NLRP7: variants seen among roughly 807,000 people sequenced by gnomAD.
The protein encoded by NLRP7 is NACHT, LRR and PYD domains-containing protein 7.
NLRP7 carries 72 observed loss-of-function variants against 85.5 expected under a neutral mutation model. The observed-to-expected ratio is 0.84, with a 90% CI of 0.70 to 1.02. NLRP7 has a LOEUF of 1.02. Ranked by LOEUF, NLRP7 falls within the 50% of genes least tolerant of loss-of-function variation. The probability of loss-of-function intolerance (pLI) is 0.00; values close to 1 mark genes in which losing one functional copy is unlikely to be tolerated. For missense variants in NLRP7, 1,243 were observed against 1,219.5 expected (o/e 1.02, Z -0.29); for synonymous variants, 550 against 505.2 (o/e 1.09, Z -1.19).
At chr19:54,942,807 C>A (rs2069291993) in intron 1 of NLRP7, among the ~76,000 whole-genome samples, 1 of 152,150 alleles carries the variant, frequency 6.6e-6, no homozygotes, top group Non-Finnish European at 1.5e-5. Flanking sequence ...TTCAGCCCAC[C>A]ACTGAATGAC....
intron 9 of NLRP7, 66 bp from the exon 11 acceptor site, chr19:54,923,938 A>T (rs1246934019): frequency 6.5e-7 from 1 of 1,548,998 alleles, no homozygotes; most frequent in Non-Finnish European, 8.9e-7. Flanking sequence ...ATGCCTGAAT[A>T]TCTGTTTTCA....
intron 9 of NLRP7, among the ~76,000 whole-genome samples, chr19:54,926,916 TAAAA>T (rs74177884): frequency 1.5e-4 from 4 of 26,610 alleles, no homozygotes; most frequent in South Asian, 1.9e-3. Context: ...ACTCTGTCTT[TAAAA>T]AAAAAAAAAA....
chr19:54,933,661 G>C, exon 8 of NLRP7: 3 of 1,614,172 alleles, frequency 1.9e-6, no homozygotes, highest in Non-Finnish European at 2.5e-6. Flanking sequence ...CCAAGCACAG[G>C]TGTGTCAGCT....
intron 1 of NLRP7, chr19:54,953,322 CTAAG>C (rs1186407797): frequency 1.3e-5 from 2 of 152,218 alleles, no homozygotes; most frequent in African/African-American, 4.8e-5. Context: ...GCTCACAACT[CTAAG>C]GGGGTGTGCG....
At chr19:54,957,585 T>C (rs1186343891) in intron 1 of NLRP7, among the ~76,000 whole-genome samples, 1 of 152,064 alleles carries the variant, frequency 6.6e-6, no homozygotes, top group Non-Finnish European at 1.5e-5. Flanking sequence ...CCTCAGGTGA[T>C]CCACCCACCT....
chr19:54,952,260 C>T (rs892972485), upstream of NLRP7, among the ~76,000 whole-genome samples: 4 of 151,970 alleles, frequency 2.6e-5, no homozygotes, highest in Admixed American at 6.6e-5. Context: ...CGCCAGCAGT[C>T]AGCATGGCCA....
intron 8 of NLRP7, among the ~76,000 whole-genome samples, 188 bp from the exon 9 acceptor site, chr19:54,930,854 T>C (rs1350773886): frequency 2.6e-5 from 4 of 151,900 alleles, no homozygotes; most frequent in Non-Finnish European, 5.9e-5. Context: ...TAGCTGGGAT[T>C]ATAGGTGCCC....
At chr19:54,943,949 C>G (rs2146241559) in intron 1 of NLRP7, among the ~76,000 whole-genome samples, 1 of 152,178 alleles carries the variant, frequency 6.6e-6, no homozygotes, top group Admixed American at 6.5e-5. Flanking sequence ...TAAACAGATG[C>G]TTGAAGGCAG....
At chr19:54,960,217 G>A (rs2069993635) in intron 1 of NLRP7, among the ~76,000 whole-genome samples, 1 of 151,680 alleles carries the variant, frequency 6.6e-6, no homozygotes, top group Non-Finnish European at 1.5e-5. Flanking sequence ...GTGCAGTGGC[G>A]AGATCTCAGC....
chr19:54,949,242 C>G (rs1882218881), upstream of NLRP7, among the ~76,000 whole-genome samples: 1 of 150,698 alleles, frequency 6.6e-6, no homozygotes, highest in African/African-American at 2.4e-5. Flanking sequence ...TGCACCACTG[C>G]GCTCCAGCCT....
intron 1 of NLRP7, among the ~76,000 whole-genome samples, chr19:54,954,213 T>C (rs1011255704): frequency 2.0e-5 from 3 of 147,968 alleles, no homozygotes; most frequent in Non-Finnish European, 4.5e-5. Context: ...TTGTTTAGCA[T>C]ATCCATAGAA....
intron 1 of NLRP7, among the ~76,000 whole-genome samples, chr19:54,952,726 A>G (rs2146268899): frequency 6.6e-6 from 1 of 152,194 alleles, no homozygotes. Context: ...AAATTGACTC[A>G]CAGCGTGCAT....
Position 54,963,887 on chromosome 19 carries a change from C to CT in NLRP7, c.-77+2152dup, listed in dbSNP as rs201876734. 7.4e-3 allele frequency among the ~76,000 whole-genome samples: 1,050 copies of CT among 142,852 alleles called. 12 individuals are homozygous for CT. Among genetic ancestry groups the CT allele is most frequent in the East Asian group, 0.054 (254 of 4,732 alleles). The allele number at this position is 142,852 out of a possible 152,430, so 93.7% of individuals were successfully genotyped here. A position where few individuals can be genotyped will look rare whatever the true frequency, so the allele number is the denominator to read the frequency against. The stretch of plus-strand genomic sequence containing the variant: ...AAAAGCTATAAAACCCAACTTTTTT[C>CT]TTTTTTTTTTTGAGACGGAGTCTCA... On this transcript the variant is annotated intron_variant, in intron 1 of 2. Coordinates refer to the NLRP7 transcript ENST00000587103.
chr19:54,942,849 T>A (rs1462525233), intron 1 of NLRP7, among the ~76,000 whole-genome samples: 2 of 151,240 alleles, frequency 1.3e-5, no homozygotes, highest in Admixed American at 1.3e-4. Context: ...AGGACAGATA[T>A]AAATATAACT....
chr19:54,936,261 C>G, exon 6 of NLRP7: 1 of 1,612,822 alleles, frequency 6.2e-7, no homozygotes, highest in Non-Finnish European at 8.5e-7. Flanking sequence ...TGAGACCCAC[C>G]TCAGGTACTG....
At chr19:54,956,849 C>CGAACTCCT (rs1245612513) in intron 1 of NLRP7, among the ~76,000 whole-genome samples, 1 of 151,582 alleles carries the variant, frequency 6.6e-6, no homozygotes, top group Non-Finnish European at 1.5e-5. Context: ...AGGCTTGTCT[C>CGAACTCCT]GAACTCCTGT....
At position 54,934,743 on chromosome 19, in the gene NLRP7, T is replaced by A; in HGVS notation, c.2301-84A>T. 2 of 1,164,066 alleles carry A rather than the reference T, an allele frequency of 1.7e-6. No individual in the cohort carries two copies. Among genetic ancestry groups the A allele is most frequent in the South Asian group, 1.5e-5 (1 of 64,868 alleles). 72.1% of individuals were successfully genotyped at this position (1,164,066 alleles called of 1,614,324 possible). ...TTTTTTTTTTGAGACAGAGTTTCACTCTGTTGCCCAGTCTGGAATGCAAAG... is the reference window on the plus strand; with the variant it reads ...TTTTTTTTTTGAGACAGAGTTTCACACTGTTGCCCAGTCTGGAATGCAAAG... On this transcript the variant is annotated intron_variant, in intron 6 of 9. Transcript: ENST00000340844. This position sits in a 1 kb window ranked among gnomAD's most constrained non-coding sequence, Gnocchi z 6.7.
chr19:54,935,443 C>G (rs753176181), intron 6 of NLRP7, among the ~76,000 whole-genome samples: 1 of 152,040 alleles, frequency 6.6e-6, no homozygotes, highest in Non-Finnish European at 1.5e-5. Flanking sequence ...TGCCTGTAAT[C>G]CTAGCACTTT....
chr19:54,942,175 G>C (rs544322322), intron 1 of NLRP7, among the ~76,000 whole-genome samples: 2 of 137,198 alleles, frequency 1.5e-5, no homozygotes, highest in Non-Finnish European at 3.1e-5. Context: ...AGAATGGTGT[G>C]AACCCGGGAA....
Sources: allele counts gnomAD v4.1 joint callset (sites outside exome capture counted in the v4.1 genomes callset), GRCh38; gene constraint gnomAD v4.1.1; non-coding constraint Gnocchi (gnomAD v3.1); transcripts MANE v1.5; gene names NCBI Gene and HGNC (gene_info 2026-07-23, HGNC 2026-07-21).